F8: variants seen among roughly 807,000 people sequenced by gnomAD.
F8 encodes the protein coagulation factor VIII.
A neutral mutation model predicts 140.6 loss-of-function variants in F8; 12 were observed. The ratio of observed to expected loss-of-function variants is 0.09; its 90% CI spans 0.05 to 0.14. The LOEUF (loss-of-function observed/expected upper bound fraction) is 0.14, where lower values mean the gene tolerates loss of function less well. Among genes scored for constraint, F8 ranks in the 10% least tolerant of loss-of-function variants. F8 has a pLI of 1.00. For synonymous variants in F8, 585 were observed against 614.6 expected (o/e 0.95, Z 0.71); for missense variants, 1,354 against 1,720.7 (o/e 0.79, Z 3.77).
intron 6 of F8, among the ~76,000 whole-genome samples, chrX:154,978,239 A>G (rs1439969712): frequency 1.8e-5 from 2 of 109,831 alleles, no homozygotes; most frequent in Non-Finnish European, 3.8e-5. Flanking sequence ...ATTTGGAATT[A>G]TTTTTCCAGG....
chrX:154,958,848 T>C (rs2073379296), intron 10 of F8, among the ~76,000 whole-genome samples: 1 of 110,939 alleles, frequency 9.0e-6, no homozygotes, highest in Non-Finnish European at 1.9e-5. Flanking sequence ...ACTCCTGACC[T>C]CAAGTGATCT....
chrX:154,999,466 T>C lies in F8; in HGVS notation c.265+13A>G. On this transcript the variant is annotated intron_variant, in intron 2 of 25. Coordinates refer to ENST00000360256, the MANE Select transcript of F8 (RefSeq NM_000132.4). ...CCAATTTCATAAATAGCATTCAACA[T>C]TGTTTTCATTACCCATCCAGGGTGG... 8.3e-7 allele frequency: 1 copy of C among 1,202,226 alleles called. No individual in the cohort carries two copies. Among genetic ancestry groups the C allele is most frequent in the Non-Finnish European group, 1.1e-6 (1 of 888,933 alleles).
At position 155,015,632 on chromosome X, in the gene F8, G is replaced by A. The variant is rs2073730275; in HGVS notation, c.143+6778C>T. On this transcript the variant is annotated intron_variant, in intron 1 of 25. Transcript: ENST00000360256. Reference sequence around the variant, plus strand: ...TAAATGATGAGAACACATGGACATAGAATAATAGACACTGGAGACGACTAG... The same window carrying A: ...TAAATGATGAGAACACATGGACATAAAATAATAGACACTGGAGACGACTAG... 2.7e-5 allele frequency among the ~76,000 whole-genome samples: 3 copies of A among 111,707 alleles called. No individual in the cohort carries two copies. In the Admixed American group the frequency reaches 2.8e-4, roughly 11 times the overall value.
At chrX:154,959,715 T>A (rs1283788826) in intron 10 of F8, among the ~76,000 whole-genome samples, 2 of 111,800 alleles carry the variant, frequency 1.8e-5, no homozygotes, top group African/African-American at 6.5e-5. Flanking sequence ...GTAACCACTA[T>A]TTTATCTCTA....
Position 154,930,943 on chromosome X carries a change from A to C in F8, c.2847T>G (p.Thr949=). 1 of 1,195,310 alleles carries C rather than the reference A, an allele frequency of 8.4e-7. No homozygotes were observed. Among genetic ancestry groups the C allele is most frequent in the Non-Finnish European group, 1.1e-6 (1 of 888,397 alleles). The change falls in exon 14 of 26, where the codon ACT becomes ACG. Residue 949 remains threonine, a synonymous_variant. Coordinates refer to ENST00000360256, the MANE Select transcript of F8 (RefSeq NM_000132.4). ...TLFGKKSSPL[T]ESGGPLSLSE... ...TCAAGCTCAGAGGTCCACCAGACTCAGTAAGGGGAGATGACTTTTTGCCAA... is the reference window on the plus strand; with the variant it reads ...TCAAGCTCAGAGGTCCACCAGACTCCGTAAGGGGAGATGACTTTTTGCCAA...
Position 154,837,345 on chromosome X carries a change from G to T in F8, c.*252C>A. On this transcript the variant is annotated 3_prime_UTR_variant, in exon 26 of 26. Transcript: ENST00000360256. ...TGCAGGTTTCTCCTCACTTCTTTTT[G>T]CCTAGTTATATTGGAAGGAAGGAGT... 1 of 392,745 alleles carries T rather than the reference G, an allele frequency of 2.5e-6. No individual in the cohort carries two copies. The highest frequency in any genetic ancestry group is 4.4e-6 in the Non-Finnish European group (1 of 224,819). The allele number at this position is 392,745 out of a possible 1,213,427, so 32.4% of individuals were successfully genotyped here. A position where few individuals can be genotyped will look rare whatever the true frequency, so the allele number is the denominator to read the frequency against.
intron 6 of F8, among the ~76,000 whole-genome samples, chrX:154,976,415 A>T (rs1030206312): frequency 1.8e-5 from 2 of 110,729 alleles, no homozygotes; most frequent in African/African-American, 6.6e-5. Flanking sequence ...GTCTTTTTTT[A>T]AATTTTTTTA....
chrX:154,960,592 T>TGAGAGA (rs782609475), intron 10 of F8, among the ~76,000 whole-genome samples: 2 of 99,840 alleles, frequency 2.0e-5, no homozygotes, highest in Middle Eastern at 4.5e-3. Context: ...GAAACCCTGT[T>TGAGAGA]GAGAGAGAGA....
At chrX:154,919,896 C>T (rs1446112369) in intron 14 of F8, 9 of 211,510 alleles carry the variant, frequency 4.3e-5, no homozygotes, top group Non-Finnish European at 5.5e-5. Context: ...TTCCTAAGGG[C>T]GACTCCTCAG....
chrX:155,018,373 C>A (rs1202233213), intron 1 of F8, among the ~76,000 whole-genome samples: 2 of 111,181 alleles, frequency 1.8e-5, no homozygotes, highest in Admixed American at 9.6e-5. Context: ...AACAGACTGA[C>A]GAGTTTTATA....
rs1476341122 is a variant in F8, at chrX:154,903,943, T to C, written c.5961A>G (p.Lys1987=). The change falls in exon 18 of 26, where the codon AAA becomes AAG. Residue 1987 remains lysine (K), a synonymous_variant. Coordinates refer to ENST00000360256, the MANE Select transcript of F8 (RefSeq NM_000132.4). ...TGTACAGTGCCATTTTATACTCCTC[T>C]TTTTTTCGTACAGTGAACACATGTC... ...FSGHVFTVRK[K]EEYKMALYNL... 4 of 1,210,181 alleles carry C rather than the reference T, an allele frequency of 3.3e-6. No homozygotes were observed. Among genetic ancestry groups the C allele is most frequent in the South Asian group, 1.8e-5 (1 of 56,901 alleles).
intron 7 of F8, among the ~76,000 whole-genome samples, chrX:154,967,780 C>A (rs1352360992): frequency 1.8e-5 from 2 of 111,925 alleles, no homozygotes; most frequent in Non-Finnish European, 3.8e-5. Flanking sequence ...GTTGTTTGTG[C>A]ATCAACTTCC....
At chrX:154,940,426 T>C (rs1376646179) in intron 13 of F8, among the ~76,000 whole-genome samples, 1 of 111,202 alleles carries the variant, frequency 9.0e-6, no homozygotes, top group Admixed American at 9.5e-5. Context: ...CAATGGAAGA[T>C]GAAATGAATA....
At chrX:154,970,105 A>T (rs1426724609) in intron 6 of F8, among the ~76,000 whole-genome samples, 7 of 112,658 alleles carry the variant, frequency 6.2e-5, no homozygotes, top group Non-Finnish European at 1.1e-4. Context: ...CATCTCCCAT[A>T]TGCAGTTTGA....
intron 22 of F8, among the ~76,000 whole-genome samples, chrX:154,881,809 A>G (rs1212531854): frequency 8.9e-6 from 1 of 112,889 alleles, no homozygotes; most frequent in African/African-American, 3.3e-5. Context: ...GCCACTTGTA[A>G]CTCAACATCG....
chrX:154,956,877 C>A, intron 11 of F8, 80 bp downstream of exon 11: 1 of 875,238 alleles, frequency 1.1e-6, no homozygotes, highest in African/African-American at 2.0e-5. Context: ...ACCTATATTG[C>A]AAACCATTAT....
intron 11 of F8, 120 bp downstream of exon 11, chrX:154,956,837 T>C (rs924852861): frequency 1.5e-6 from 1 of 665,573 alleles, no homozygotes; most frequent in Middle Eastern, 4.2e-4. Context: ...AACTCAAATT[T>C]AGTAAAAGCT....
At chrX:154,975,188 A>AT (rs1195488973) in intron 6 of F8, among the ~76,000 whole-genome samples, 36 of 107,828 alleles carry the variant, frequency 3.3e-4, no homozygotes, top group Admixed American at 2.2e-3. Context: ...TTTATTTGAG[A>AT]TTTTTTTTTG....
intron 21 of F8, among the ~76,000 whole-genome samples, chrX:154,899,595 T>A (rs1186557126): frequency 3.6e-5 from 4 of 111,790 alleles, no homozygotes; most frequent in Admixed American, 2.9e-4. Flanking sequence ...TAATAACATA[T>A]ACTGTCTTGA....
Sources: gnomAD v4.1 joint callset for allele counts (sites outside exome capture counted in the v4.1 genomes callset) on GRCh38, gnomAD v4.1.1 for gene constraint, MANE v1.5 for transcripts, NCBI Gene and HGNC (gene_info 2026-07-23, HGNC 2026-07-21) for gene names.